CALN1: variants seen among roughly 807,000 people sequenced by gnomAD.
The protein encoded by CALN1 is calcium-binding protein 8.
In CALN1, 17 loss-of-function variants were observed where a neutral mutation model predicts 30.6. The ratio of observed to expected loss-of-function variants is 0.56; its 90% CI spans 0.38 to 0.83. The LOEUF is 0.83. Among genes scored for constraint, CALN1 ranks in the 40% least tolerant of loss-of-function variants. The probability of loss-of-function intolerance (pLI) is 0.00; values close to 1 mark genes in which losing one functional copy is unlikely to be tolerated. For missense variants in CALN1, 291 were observed against 354.9 expected, an observed-to-expected ratio of 0.82 and a Z score of 1.45; for synonymous variants, 156 against 131.4, an observed-to-expected ratio of 1.19 and a Z score of -1.28.
intron 3 of CALN1, among the ~76,000 whole-genome samples, chr7:72,146,282 T>TA (rs1786714885): frequency 1.3e-5 from 2 of 152,080 alleles, no homozygotes; most frequent in Admixed American, 6.6e-5. Flanking sequence ...AGTCCCAGGA[T>TA]AAAAAATCAA....
chr7:72,127,747 G>A (rs1270159439), intron 3 of CALN1, among the ~76,000 whole-genome samples: 1 of 152,176 alleles, frequency 6.6e-6, no homozygotes, highest in Non-Finnish European at 1.5e-5. Flanking sequence ...GGCAACATTT[G>A]CCGTGTGCTA....
chr7:72,275,455 T>C (rs976763527), intron 3 of CALN1, among the ~76,000 whole-genome samples: 1 of 152,182 alleles, frequency 6.6e-6, no homozygotes, highest in Non-Finnish European at 1.5e-5. Context: ...ACATCCGCAC[T>C]GTCCTGCCCA....
intron 3 of CALN1, among the ~76,000 whole-genome samples, chr7:72,191,395 A>G (rs1790590448): frequency 1.3e-5 from 2 of 152,174 alleles, no homozygotes; most frequent in African/African-American, 4.8e-5. Flanking sequence ...TTAGGTCAGG[A>G]GTTCGAGACC....
At chr7:71,828,949 G>T (rs1286349609) in intron 5 of CALN1, among the ~76,000 whole-genome samples, 1 of 151,842 alleles carries the variant, frequency 6.6e-6, no homozygotes, top group Non-Finnish European at 1.5e-5. Context: ...GGGTTTCCCT[G>T]TGTTGGCCAG....
At chr7:72,096,393 C>T (rs1806235532) in intron 4 of CALN1, among the ~76,000 whole-genome samples, 1 of 152,212 alleles carries the variant, frequency 6.6e-6, no homozygotes, top group Non-Finnish European at 1.5e-5. Flanking sequence ...TGCAAATATC[C>T]ACAAGCTCAA....
intron 3 of CALN1, among the ~76,000 whole-genome samples, chr7:72,213,175 C>T (rs182266284): frequency 3.3e-5 from 5 of 152,290 alleles, no homozygotes; most frequent in African/African-American, 7.2e-5. Flanking sequence ...TAATGCATTG[C>T]GTGTCCTAAT....
chr7:72,154,880 A>T (rs915963241), intron 3 of CALN1, among the ~76,000 whole-genome samples: 1 of 148,170 alleles, frequency 6.7e-6, no homozygotes, highest in Non-Finnish European at 1.5e-5. Context: ...ACATAATGAG[A>T]TCCTGTCTCT....
At chr7:72,121,120 CTAT>C (rs1257117839) in intron 3 of CALN1, among the ~76,000 whole-genome samples, 7 of 144,330 alleles carry the variant, frequency 4.8e-5, no homozygotes, top group African/African-American at 1.8e-4. Flanking sequence ...AAATCTATAT[CTAT>C]TATAATTTAT....
chr7:72,115,522 A>G, intron 3 of CALN1, among the ~76,000 whole-genome samples: 1 of 114,424 alleles, frequency 8.7e-6, no homozygotes, highest in South Asian at 2.7e-4. Context: ...AGACACAGTG[A>G]CTGTCACCCA....
intron 2 of CALN1, among the ~76,000 whole-genome samples, chr7:72,324,107 G>A (rs1801097111): frequency 6.6e-6 from 1 of 152,018 alleles, no homozygotes; most frequent in Admixed American, 6.6e-5. Flanking sequence ...TGGTGTCCGA[G>A]TGCCCTGGTT....
intron 3 of CALN1, among the ~76,000 whole-genome samples, chr7:72,209,298 CTCTTTCCT>C (rs1792174698): frequency 2.0e-5 from 1 of 49,726 alleles, no homozygotes; most frequent in Non-Finnish European, 3.4e-5. Flanking sequence ...CCCTCCTTCC[CTCTTTCCT>C]TCCCTCCTTC....
chr7:71,810,326 G>C lies in CALN1; in HGVS notation c.658+10C>G. ...CGGACCGGGGAGGGGATGGCAGCAGGGGCACCTACCTCCTTCAAACTCTGT... is the reference window on the plus strand; with the variant it reads ...CGGACCGGGGAGGGGATGGCAGCAGCGGCACCTACCTCCTTCAAACTCTGT... On this transcript the variant is annotated intron_variant, in intron 6 of 6. Coordinates refer to ENST00000395275, the MANE Select transcript of CALN1 (RefSeq NM_031468.4). The C allele has an allele frequency of 1.9e-6, 3 of 1,612,782 alleles. No individual in the cohort carries two copies. The highest frequency in any genetic ancestry group is 2.5e-6 in the Non-Finnish European group (3 of 1,179,368).
chr7:72,336,797 C>T, intron 2 of CALN1: 4 of 985,062 alleles, frequency 4.1e-6, no homozygotes, highest in Non-Finnish European at 4.8e-6. Flanking sequence ...GGGGGCGGTG[C>T]GGAATGGATG....
chr7:71,937,541 C>T (rs1172568494), intron 5 of CALN1, among the ~76,000 whole-genome samples: 3 of 152,008 alleles, frequency 2.0e-5, no homozygotes, highest in African/African-American at 7.3e-5. Context: ...TCCGGTGGTG[C>T]AATCATAGCT....
chr7:72,184,316 A>G (rs1431946338), intron 3 of CALN1, among the ~76,000 whole-genome samples: 1 of 152,190 alleles, frequency 6.6e-6, no homozygotes, highest in Non-Finnish European at 1.5e-5. Context: ...GCCTTGAGCA[A>G]TTGTGTAATG....
At chr7:72,339,416 T>C (rs921058859) in intron 2 of CALN1, among the ~76,000 whole-genome samples, 1 of 152,132 alleles carries the variant, frequency 6.6e-6, no homozygotes, top group Non-Finnish European at 1.5e-5. Context: ...ACTTGCTGAG[T>C]ACCCCTCCCC....
At chr7:72,354,898 TTTC>T (rs1421498950) in intron 2 of CALN1, among the ~76,000 whole-genome samples, 2 of 144,142 alleles carry the variant, frequency 1.4e-5, no homozygotes, top group African/African-American at 2.8e-5. Context: ...TCTTTTTTTT[TTTC>T]TTTTCTTTTT....
At chr7:72,407,774 C>G (rs10252214) in intron 1 of CALN1, among the ~76,000 whole-genome samples, 30,711 of 152,136 alleles carry the variant, frequency 0.2, 3,461 homozygotes, top group Non-Finnish European at 0.25. Flanking sequence ...ACTGACTGAG[C>G]TTCTCAGCTC....
intron 2 of CALN1, among the ~76,000 whole-genome samples, chr7:72,334,134 G>A (rs944614412): frequency 2.6e-5 from 4 of 152,154 alleles, no homozygotes; most frequent in Non-Finnish European, 4.4e-5. Flanking sequence ...TGAGCTCAAA[G>A]GTGTGAAAGG....
Sources: gnomAD v4.1 joint callset for allele counts (sites outside exome capture counted in the v4.1 genomes callset) on GRCh38, gnomAD v4.1.1 for gene constraint, MANE v1.5 for transcripts, NCBI Gene and HGNC (gene_info 2026-07-23, HGNC 2026-07-21) for gene names.